The following ZPLD1 variants were observed in gnomAD, a reference collection of about 807,000 sequenced individuals.
The protein encoded by ZPLD1 is zona pellucida-like domain-containing protein 1.
Under a neutral mutation model 47.2 loss-of-function variants are expected in ZPLD1, and 34 were observed. The observed-to-expected ratio is 0.72, with a 90% CI of 0.55 to 0.96. The LOEUF (loss-of-function observed/expected upper bound fraction) is 0.96. ZPLD1 is among the 40% of genes least tolerant of loss of function. The pLI is 0.00. For synonymous variants in ZPLD1, 176 were observed against 186.2 expected (o/e 0.95, Z 0.45); for missense variants, 512 against 505.8 (o/e 1.01, Z -0.12).
intron 6 of ZPLD1, among the ~76,000 whole-genome samples, chr3:102,459,552 A>G (rs1007746972): frequency 6.6e-6 from 1 of 152,212 alleles, no homozygotes; most frequent in African/African-American, 2.4e-5. Context: ...TAATCCTTAA[A>G]AGAATCTCTG....
intron 6 of ZPLD1, among the ~76,000 whole-genome samples, chr3:102,387,972 T>C (rs1024424543): frequency 4.0e-5 from 6 of 148,938 alleles, no homozygotes; most frequent in Non-Finnish European, 7.4e-5. Context: ...GCCATTCTCC[T>C]GCCTCAGCCT....
intron 8 of ZPLD1, among the ~76,000 whole-genome samples, chr3:102,421,068 T>A (rs1706872186): frequency 6.6e-6 from 1 of 151,926 alleles, no homozygotes; most frequent in Non-Finnish European, 1.5e-5. Flanking sequence ...CTTGAACCTT[T>A]CACTAACATT....
chr3:102,449,290 G>A (rs1263555158), intron 3 of ZPLD1, among the ~76,000 whole-genome samples: 1 of 152,156 alleles, frequency 6.6e-6, no homozygotes, highest in East Asian at 1.9e-4. Flanking sequence ...GGCCTTCTAC[G>A]CTACTCCATA....
intron 6 of ZPLD1, among the ~76,000 whole-genome samples, chr3:102,389,678 A>AT: frequency 6.6e-6 from 1 of 152,148 alleles, no homozygotes; most frequent in Admixed American, 6.5e-5. Flanking sequence ...GGTCTAGGTT[A>AT]ACGTGGTTCA....
chr3:102,476,517 G>A (rs1707760292), intron 10 of ZPLD1, among the ~76,000 whole-genome samples: 1 of 152,002 alleles, frequency 6.6e-6, no homozygotes, highest in Non-Finnish European at 1.5e-5. Flanking sequence ...TATCTTCTTG[G>A]AACTTAAAAT....
chr3:102,399,375 C>A (rs1348362822), intron 7 of ZPLD1, among the ~76,000 whole-genome samples: 2 of 152,126 alleles, frequency 1.3e-5, no homozygotes, highest in Admixed American at 1.3e-4. Flanking sequence ...TTATCCACCT[C>A]ACTTCAGTCA....
intron 7 of ZPLD1, among the ~76,000 whole-genome samples, chr3:102,417,450 T>C (rs1706822364): frequency 6.6e-6 from 1 of 151,882 alleles, no homozygotes; most frequent in Non-Finnish European, 1.5e-5. Flanking sequence ...CTTAGATGAC[T>C]TCCAAATTGG....
At chr3:102,440,454 G>A (rs7646053) in intron 3 of ZPLD1, among the ~76,000 whole-genome samples, 20,005 of 152,122 alleles carry the variant, frequency 0.13, 1,385 homozygotes, top group Middle Eastern at 0.18. Flanking sequence ...ACTGGATGTT[G>A]ATGCTGTTAA....
At chr3:102,420,346 TTA>T (rs1248799513) in intron 8 of ZPLD1, among the ~76,000 whole-genome samples, 1 of 151,926 alleles carries the variant, frequency 6.6e-6, no homozygotes, top group Non-Finnish European at 1.5e-5. Context: ...TCCCCCAGAT[TTA>T]TATGTTTTGT....
intron 4 of ZPLD1, among the ~76,000 whole-genome samples, chr3:102,453,536 T>C (rs546195233): frequency 1.3e-5 from 2 of 152,340 alleles, no homozygotes; most frequent in South Asian, 2.1e-4. Context: ...AGTGACCTCA[T>C]TTGTAAAGAA....
chr3:102,468,250 G>A (rs974071285), intron 8 of ZPLD1, among the ~76,000 whole-genome samples: 1 of 152,038 alleles, frequency 6.6e-6, no homozygotes, highest in Non-Finnish European at 1.5e-5. Context: ...TATTTATATA[G>A]GGCAAAGTGA....
At chr3:102,418,099 T>A (rs62274730) in exon 8 of ZPLD1, 19,999 of 152,284 alleles carry the variant, frequency 0.13, 1,381 homozygotes, top group Middle Eastern at 0.18. Flanking sequence ...TTTGAAGCCT[T>A]GACTCTTTTC....
At chr3:102,426,039 A>G (rs1183885930) in intron 8 of ZPLD1, among the ~76,000 whole-genome samples, 1 of 151,926 alleles carries the variant, frequency 6.6e-6, no homozygotes, top group African/African-American at 2.4e-5. Context: ...AATTTCTACT[A>G]TGATAAATTT....
intron 8 of ZPLD1, chr3:102,418,277 C>T (rs894030136): frequency 3.3e-5 from 5 of 152,168 alleles, no homozygotes; most frequent in Admixed American, 6.6e-5. Context: ...ATGGAAGACT[C>T]AGTTTAATTT....
chr3:102,458,168 C>T (rs903417194), intron 6 of ZPLD1, among the ~76,000 whole-genome samples: 2 of 152,032 alleles, frequency 1.3e-5, no homozygotes, highest in Non-Finnish European at 2.9e-5. Flanking sequence ...TGAGTAGCTA[C>T]AGTTAGCTTC....
intron 7 of ZPLD1, among the ~76,000 whole-genome samples, chr3:102,407,705 C>T (rs982577586): frequency 1.3e-5 from 2 of 151,506 alleles, no homozygotes; most frequent in South Asian, 4.2e-4. Context: ...GACACAGATA[C>T]CCAGTACCAT....
chr3:102,442,480 T>C (rs1707195958), intron 3 of ZPLD1, among the ~76,000 whole-genome samples: 1 of 152,136 alleles, frequency 6.6e-6, no homozygotes, highest in South Asian at 2.1e-4. Context: ...TTTAGATGGG[T>C]ATTATTTAAC....
intron 8 of ZPLD1, among the ~76,000 whole-genome samples, chr3:102,429,963 A>G (rs1306956520): frequency 6.6e-6 from 1 of 152,196 alleles, no homozygotes; most frequent in African/African-American, 2.4e-5. Flanking sequence ...GAATGCAACA[A>G]GTCCTGTTAT....
intron 6 of ZPLD1, among the ~76,000 whole-genome samples, chr3:102,461,179 G>A (rs1365651945): frequency 1.3e-5 from 2 of 151,930 alleles, no homozygotes; most frequent in African/African-American, 4.8e-5. Flanking sequence ...TGGTTGATAT[G>A]TTGTCTTTCC....
Sources: allele counts gnomAD v4.1 joint callset (sites outside exome capture counted in the v4.1 genomes callset), GRCh38; gene constraint gnomAD v4.1.1; transcripts MANE v1.5; gene names NCBI Gene and HGNC (gene_info 2026-07-23, HGNC 2026-07-21).